TRPA1: variants seen among roughly 807,000 people sequenced by gnomAD.
The protein encoded by TRPA1 is transient receptor potential cation channel subfamily A member 1.
In TRPA1, 129 loss-of-function variants were observed where a neutral mutation model predicts 131.3. The ratio of observed to expected loss-of-function variants is 0.98; its 90% CI spans 0.85 to 1.14. The LOEUF is 1.14. Ranked by LOEUF, TRPA1 falls within the 50% of genes most tolerant of loss-of-function variation. TRPA1 has a pLI of 0.00. For missense variants in TRPA1, 1,304 were observed against 1,354.2 expected, an observed-to-expected ratio of 0.96 and a Z score of 0.58; for synonymous variants, 441 against 451.7, an observed-to-expected ratio of 0.98 and a Z score of 0.30.
the TRPA1 span, among the ~76,000 whole-genome samples, chr8:72,084,016 A>G: frequency 6.6e-6 from 1 of 152,340 alleles, no homozygotes; most frequent in East Asian, 1.9e-4. Context: ...ATAGTCACAG[A>G]GATGAAAGTT....
chr8:72,055,596 C>T lies in TRPA1; in HGVS notation c.1369G>A (p.Gly457Arg). The T allele has an allele frequency of 1.2e-6, 2 of 1,613,184 alleles. No individual in the cohort carries two copies. Among genetic ancestry groups the T allele is most frequent in the Non-Finnish European group, 1.7e-6 (2 of 1,179,398 alleles). ...AGCCTCTGACAGGTATTGATACGCC[C>T]ATAACTTGGAAAAAATTAGGTTTCA... ...KSPLHFAASY[G>R]RINTCQRLLQ... The change falls in exon 12 of 27, where the codon GGG (glycine) becomes AGG (arginine). Residue 457 changes from glycine to arginine, a missense_variant. Coordinates refer to ENST00000262209, the MANE Select transcript of TRPA1 (RefSeq NM_007332.3).
At chr8:72,084,493 T>G in the TRPA1 span, among the ~76,000 whole-genome samples, 1 of 151,962 alleles carries the variant, frequency 6.6e-6, no homozygotes, top group Non-Finnish European at 1.5e-5. Flanking sequence ...ATTTTTTTGT[T>G]TCTTATGAAA....
rs981339011 is a variant in TRPA1, at chr8:72,063,172, G to A, written c.662-228C>T. 2.6e-5 allele frequency among the ~76,000 whole-genome samples: 4 copies of A among 151,988 alleles called. No homozygotes were observed. In the East Asian group the frequency reaches 7.7e-4, roughly 29 times the overall value. On this transcript the variant is annotated intron_variant, in intron 5 of 26. Transcript: ENST00000262209. ...CATGGTGGGAGGATCACGAGGTCAG[G>A]AGATCGAGACCAGCCTGGCCAACAC...
chr8:72,040,965 C>G (rs936311205), intron 17 of TRPA1, among the ~76,000 whole-genome samples: 3 of 152,038 alleles, frequency 2.0e-5, no homozygotes, highest in African/African-American at 7.2e-5. Flanking sequence ...ACTACATGCT[C>G]TTTACAAGAG....
chr8:72,036,028 A>AAAAG (rs1812035431), intron 21 of TRPA1, among the ~76,000 whole-genome samples: 3 of 141,074 alleles, frequency 2.1e-5, no homozygotes, highest in African/African-American at 8.1e-5. Context: ...AAAAAAAAAA[A>AAAAG]AAGAAGAAGA....
At position 72,072,859 on chromosome 8, in the gene TRPA1, C is replaced by T. The variant is rs190824975; in HGVS notation, c.112-992G>A. Among the ~76,000 whole-genome samples, 170 of 152,278 alleles carry T rather than the reference C, an allele frequency of 1.1e-3. 3 individuals carry two copies. The highest frequency in any genetic ancestry group is 0.01 in the East Asian group (54 of 5,174). The stretch of plus-strand genomic sequence containing the variant: ...TTAGAGGGAGTACTAGGTTCAGATG[C>T]TCACAAGGCACTATTGAATTCACAA... On this transcript the variant is annotated intron_variant, in intron 1 of 26. Coordinates refer to ENST00000262209, the MANE Select transcript of TRPA1 (RefSeq NM_007332.3).
chr8:72,062,804 C>G lies in TRPA1; in HGVS notation c.802G>C (p.Val268Leu). The G allele has an allele frequency of 6.2e-7, 1 of 1,613,944 alleles. No individual in the cohort carries two copies. The highest frequency in any genetic ancestry group is 8.5e-7 in the Non-Finnish European group (1 of 1,179,918). The change falls in exon 6 of 27, where the codon GTG becomes CTG. Residue 268 changes from valine to leucine, a missense_variant. Coordinates refer to ENST00000262209, the MANE Select transcript of TRPA1 (RefSeq NM_007332.3). ...TATAGAATATGAAGAGTTACCTCCA[C>G]TGGGTCTATTTGTGCACCATTGTCC... ...CLDNGAQIDP[V>L]EKGRCTAIHF...
chr8:72,067,412 T>C (rs781416834), intron 3 of TRPA1, among the ~76,000 whole-genome samples: 2 of 152,192 alleles, frequency 1.3e-5, no homozygotes, highest in Non-Finnish European at 2.9e-5. Context: ...CTTAGAACTC[T>C]ATTTTTCTGC....
At chr8:72,047,252 C>T in intron 15 of TRPA1, 45 bp from the exon 16 acceptor site, 2 of 1,367,436 alleles carry the variant, frequency 1.5e-6, no homozygotes, top group Non-Finnish European at 2.1e-6. Context: ...CAGTACACTA[C>T]ATATTAGGAA....
Position 72,071,762 on chromosome 8 carries a change from C to T in TRPA1, c.217G>A (p.Glu73Lys). 6.2e-7 allele frequency: 1 copy of T among 1,613,780 alleles called. No individual in the cohort carries two copies. Among genetic ancestry groups the T allele is most frequent in the Non-Finnish European group, 8.5e-7 (1 of 1,179,864 alleles). ...DTFFLHYAAA[E>K]GQIELMEKIT... The stretch of plus-strand genomic sequence containing the variant: ...TTCTCCATTAGCTCAATTTGGCCTT[C>T]TGCTGCAGCATAATGCAAGAAGAAG... Residue 73 changes from glutamate to lysine, a missense_variant, in exon 2 of 27, where the codon GAA becomes AAA. Transcript: ENST00000262209.
chr8:72,080,914 G>C, the TRPA1 span, among the ~76,000 whole-genome samples: 1 of 151,458 alleles, frequency 6.6e-6, no homozygotes, highest in Admixed American at 6.6e-5. Context: ...TTTCATTCCT[G>C]TTTTTTGTCA....
chr8:72,025,105 CGTGTGTGTGTGTGTGT>C (rs71265963), intron 25 of TRPA1, among the ~76,000 whole-genome samples: 1 of 120,112 alleles, frequency 8.3e-6, no homozygotes, highest in Non-Finnish European at 1.8e-5. Context: ...TGTGTGTGTT[CGTGTGTGTGTGTGTGT>C]GTGTGTGTGT....
chr8:72,056,908 AT>A lies in TRPA1; in HGVS notation c.1194+8del. The A allele has an allele frequency of 1.3e-6, 2 of 1,591,312 alleles. No individual in the cohort carries two copies. Among genetic ancestry groups the A allele is most frequent in the Non-Finnish European group, 1.7e-6 (2 of 1,163,492 alleles). On this transcript the variant is annotated splice_region_variant and intron_variant, in intron 10 of 26. Coordinates refer to ENST00000262209, the MANE Select transcript of TRPA1 (RefSeq NM_007332.3). ...ACTCAGTTAATGGCAATCCACAGAT[AT>A]ACATTACCTGCATAAATTCAGGTCG...
chr8:72,068,136 C>A (rs1454280905), intron 3 of TRPA1, among the ~76,000 whole-genome samples: 3 of 152,152 alleles, frequency 2.0e-5, no homozygotes, highest in Non-Finnish European at 4.4e-5. Context: ...TTAAAGGAGC[C>A]AAAGCCTCAG....
intron 23 of TRPA1, 150 bp from the exon 24 acceptor site, chr8:72,030,119 G>T (rs1811755422): frequency 1.2e-6 from 1 of 801,144 alleles, no homozygotes; most frequent in Non-Finnish European, 2.1e-6. Context: ...TTATGGTTCT[G>T]CAGGCTGGGA....
chr8:72,037,106 C>T (rs961172226), intron 20 of TRPA1, among the ~76,000 whole-genome samples: 2 of 151,984 alleles, frequency 1.3e-5, no homozygotes, highest in Admixed American at 6.6e-5. Context: ...TGCCTTAAAT[C>T]GTTTAAGGTA....
intron 15 of TRPA1, among the ~76,000 whole-genome samples, chr8:72,050,085 A>C (rs1265859214): frequency 6.6e-6 from 1 of 151,096 alleles, no homozygotes. Context: ...TAATGCTATC[A>C]CTCCCCTCTC....
intron 25 of TRPA1, among the ~76,000 whole-genome samples, chr8:72,024,361 G>C (rs186856336): frequency 6.6e-6 from 1 of 152,182 alleles, no homozygotes; most frequent in East Asian, 1.9e-4. Context: ...TTTTAATTTA[G>C]TATCTTTTAA....
At chr8:72,059,278 G>T in intron 8 of TRPA1, 112 bp downstream of exon 8, 1 of 736,456 alleles carries the variant, frequency 1.4e-6, no homozygotes, top group Non-Finnish European at 2.3e-6. Flanking sequence ...ACTTTTTGCT[G>T]ATAAGCAAGA....
Sources: allele counts gnomAD v4.1 joint callset (sites outside exome capture counted in the v4.1 genomes callset), GRCh38; gene constraint gnomAD v4.1.1; transcripts MANE v1.5; gene names NCBI Gene and HGNC (gene_info 2026-07-23, HGNC 2026-07-21).